Variants in PDE6A observed in about 807,000 individuals in gnomAD.
PDE6A encodes the protein phosphodiesterase 6A.
Under a neutral mutation model 106.3 loss-of-function variants are expected in PDE6A, and 84 were observed. The ratio of observed to expected loss-of-function variants is 0.79; its 90% CI spans 0.66 to 0.95. The LOEUF (loss-of-function observed/expected upper bound fraction) is 0.95, where lower values mean the gene tolerates loss of function less well. Ranked by LOEUF, PDE6A falls within the 40% of genes least tolerant of loss-of-function variation. The probability of loss-of-function intolerance (pLI) is 0.00; values close to 1 mark genes in which losing one functional copy is unlikely to be tolerated. For synonymous variants in PDE6A, 394 were observed against 386.6 expected (o/e 1.02, Z -0.23); for missense variants, 1,052 against 1,084.9 (o/e 0.97, Z 0.43).
At chr5:149,926,430 G>A (rs78274883) in intron 4 of PDE6A, among the ~76,000 whole-genome samples, 14,860 of 152,108 alleles carry the variant, frequency 0.098, 867 homozygotes, top group Middle Eastern at 0.16. Context: ...CCAATTGGAT[G>A]CTTGTACAGA....
chr5:149,880,888 G>A (rs536811343), intron 17 of PDE6A, among the ~76,000 whole-genome samples: 3 of 151,956 alleles, frequency 2.0e-5, no homozygotes, highest in South Asian at 2.1e-4. Flanking sequence ...GTGAAACCCC[G>A]TCTCTACCAA....
intron 4 of PDE6A, 49 bp downstream of exon 4, chr5:149,930,979 T>G (rs776673966): frequency 1.3e-6 from 2 of 1,581,892 alleles, no homozygotes; most frequent in Non-Finnish European, 1.7e-6. Flanking sequence ...CGTCAGTCAG[T>G]GTCTGTTTAA....
intron 6 of PDE6A, among the ~76,000 whole-genome samples, chr5:149,910,906 G>A (rs148703397): frequency 3.1e-5 from 3 of 98,348 alleles, no homozygotes; most frequent in Non-Finnish European, 5.8e-5. Flanking sequence ...TTGAGACAGG[G>A]TCTCACTCTG....
In PDE6A at chr5:149,905,998, T is replaced by C. The variant is rs11952761; in HGVS notation, c.1065+1314A>G. On this transcript the variant is annotated intron_variant, in intron 7 of 21. Coordinates refer to ENST00000255266, the MANE Select transcript of PDE6A (RefSeq NM_000440.3). ...TCAGCCTCTTGAGTAGCTGGGACTG[T>C]GGGCTTGCACCACCATGCCTGGCTA... is the stretch of plus-strand genomic sequence containing the variant. Among the ~76,000 whole-genome samples, 1,014 of 152,042 alleles carry C rather than the reference T, an allele frequency of 6.7e-3. 14 individuals are homozygous for C. Among genetic ancestry groups the C allele is most frequent in the African/African-American group, 0.023 (953 of 41,484 alleles).
chr5:149,860,976 A>T lies in PDE6A; in HGVS notation c.2507-5T>A. ...CCGGCTGATTTCCTGCGGCTGCTGC[A>T]ATGAAACAGGAAAAAGAACACACCA... is the stretch of plus-strand genomic sequence containing the variant. On this transcript the variant is annotated splice_region_variant and splice_polypyrimidine_tract_variant and intron_variant, in intron 21 of 21. Coordinates refer to ENST00000255266, the MANE Select transcript of PDE6A (RefSeq NM_000440.3). 1 of 1,613,836 alleles carries T rather than the reference A, an allele frequency of 6.2e-7. No individual in the cohort carries two copies. The highest frequency in any genetic ancestry group is 1.7e-4 in the Middle Eastern group (1 of 6,060).
At position 149,944,581 on chromosome 5, in the gene PDE6A, C is replaced by G; in HGVS notation, c.93G>C (p.Lys31Asn). The change falls in exon 1 of 22, where the codon AAG becomes AAC. Residue 31 changes from lysine to asparagine, a missense_variant. Coordinates refer to ENST00000255266, the MANE Select transcript of PDE6A (RefSeq NM_000440.3). ...TGGCCCCAAGGAGGTCGGAGATGAG[C>G]TTGGCCCGGTAGTGGAGGTTGTAGT... The part of the protein sequence containing the change: ...KQYYNLHYRA[K>N]LISDLLGAKE... 6.2e-7 allele frequency: 1 copy of G among 1,614,036 alleles called. No individual in the cohort carries two copies. The highest frequency in any genetic ancestry group is 8.5e-7 in the Non-Finnish European group (1 of 1,180,008).
At chr5:149,871,684 G>T (rs1171590176) in intron 17 of PDE6A, among the ~76,000 whole-genome samples, 1 of 152,150 alleles carries the variant, frequency 6.6e-6, no homozygotes, top group Non-Finnish European at 1.5e-5. Context: ...AGGCGCCGCT[G>T]CGAGGGGATG....
At chr5:149,868,777 A>G (rs1349980811) in intron 17 of PDE6A, among the ~76,000 whole-genome samples, 6 of 152,184 alleles carry the variant, frequency 3.9e-5, no homozygotes, top group Non-Finnish European at 8.8e-5. Context: ...AGGCCATTGT[A>G]ATAGCTAAGA....
At chr5:149,943,495 T>A (rs1397150580) in intron 1 of PDE6A, among the ~76,000 whole-genome samples, 1 of 152,172 alleles carries the variant, frequency 6.6e-6, no homozygotes, top group East Asian at 1.9e-4. Context: ...AATTTTAAAA[T>A]TTTTTGTAGA....
At chr5:149,911,842 CAAAAAAAAAAA>C (rs11430549) in intron 6 of PDE6A, among the ~76,000 whole-genome samples, 217 of 66,092 alleles carry the variant, frequency 3.3e-3, no homozygotes, top group South Asian at 0.02. Context: ...TCTCTATTAC[CAAAAAAAAAAA>C]AAAAAAAAAA....
rs1180172514 is a variant in PDE6A at position 149,934,566 on chromosome 5, C to G, written c.627G>C (p.Glu209Asp). 6.2e-7 allele frequency: 1 copy of G among 1,614,068 alleles called. No homozygotes were observed. Among genetic ancestry groups the G allele is most frequent in the Non-Finnish European group, 8.5e-7 (1 of 1,179,918 alleles). ...DGSHFTKRDE[E>D]ILLKYLNFAN... is the part of the protein sequence containing the mutation. Reference sequence around the variant, plus strand: ...TCCTTAGTCTCTAAAGCATTCTTACCTCTTCATCTCTCTTGGTGAAGTGGG... The same window carrying G: ...TCCTTAGTCTCTAAAGCATTCTTACGTCTTCATCTCTCTTGGTGAAGTGGG... Residue 209 changes from glutamate (E) to aspartate (D), a missense_variant and splice_region_variant, in exon 2 of 22, where the codon GAG (glutamate) becomes GAC (aspartate). Glu to Asp is a conservative substitution (Grantham distance 45). Around this residue, in one of 3 missense-constraint regions of PDE6A, gnomAD observed 913 missense variants for 915.2 expected, o/e 1.00. Coordinates refer to ENST00000255266, the MANE Select transcript of PDE6A (RefSeq NM_000440.3).
intron 4 of PDE6A, among the ~76,000 whole-genome samples, chr5:149,926,476 A>T (rs1753866192): frequency 6.6e-6 from 1 of 152,224 alleles, no homozygotes; most frequent in Non-Finnish European, 1.5e-5. Context: ...ACTAAACATA[A>T]AAAAGTTCCA....
At chr5:149,886,077 G>A (rs1752284778) in intron 14 of PDE6A, among the ~76,000 whole-genome samples, 188 bp downstream of exon 14, 1 of 152,242 alleles carries the variant, frequency 6.6e-6, no homozygotes, top group Non-Finnish European at 1.5e-5. Flanking sequence ...AGGGATTTGA[G>A]ATCTGGACAT....
chr5:149,895,145 G>T (rs1409901270), intron 13 of PDE6A, 38 bp downstream of exon 13: 1 of 1,240,184 alleles, frequency 8.1e-7, no homozygotes, highest in Admixed American at 1.7e-5. Flanking sequence ...CTAGTGTGAT[G>T]CAAGCCCACC....
chr5:149,860,945 T>C lies in PDE6A; in HGVS notation c.2533A>G (p.Asn845Asp), dbSNP rs762550485. 3 of 1,614,150 alleles carry C rather than the reference T, an allele frequency of 1.9e-6. No homozygotes were observed. The highest frequency in any genetic ancestry group is 2.2e-5 in the East Asian group (1 of 44,884). The change falls in exon 22 of 22, where the codon AAC becomes GAC. Residue 845 changes from asparagine to aspartate, a missense_variant. By Grantham distance (23) the Asn-to-Asp change is conservative (BLOSUM62 1). This residue lies in a region of PDE6A where 135 missense variants were observed against 153.2 expected (regional missense o/e 0.88). Transcript: ENST00000255266. ...SAAAGNQPGG[N>D]PSPGGATTSK... is the part of the protein sequence containing the mutation. Reference sequence around the variant, plus strand: ...GTAGTTGCACCCCCTGGGCTGGGGTTTCCCCCCGGCTGATTTCCTGCGGCT... The same window carrying C: ...GTAGTTGCACCCCCTGGGCTGGGGTCTCCCCCCGGCTGATTTCCTGCGGCT...
intron 19 of PDE6A, chr5:149,866,590 C>T: frequency 3.7e-6 from 1 of 271,542 alleles, no homozygotes; most frequent in Non-Finnish European, 7.1e-6. Flanking sequence ...CAGTATGCTC[C>T]TTGATTAGAT....
intron 4 of PDE6A, among the ~76,000 whole-genome samples, chr5:149,922,302 T>TATC (rs911933506): frequency 6.6e-6 from 1 of 150,768 alleles, no homozygotes; most frequent in African/African-American, 2.4e-5. Flanking sequence ...AACAAATTAT[T>TATC]ATTATTATTA....
chr5:149,926,135 G>A (rs536118330), intron 4 of PDE6A, among the ~76,000 whole-genome samples: 22 of 151,974 alleles, frequency 1.4e-4, no homozygotes, highest in African/African-American at 3.9e-4. Context: ...TCATCTACTC[G>A]GGAGACCAAG....
intron 5 of PDE6A, among the ~76,000 whole-genome samples, chr5:149,918,115 A>G (rs1199044981): frequency 6.6e-6 from 1 of 152,230 alleles, no homozygotes; most frequent in Non-Finnish European, 1.5e-5. Flanking sequence ...AAAGATCAAA[A>G]CAGACATATT....
Sources: gnomAD v4.1 joint callset for allele counts (sites outside exome capture counted in the v4.1 genomes callset) on GRCh38, gnomAD v4.1.1 for gene constraint, gnomAD v4.1.1 regional missense constraint, MANE v1.5 for transcripts, NCBI Gene and HGNC (gene_info 2026-07-23, HGNC 2026-07-21) for gene names.